The following HMBOX1 variants were observed in gnomAD, a reference collection of about 807,000 sequenced individuals.
HMBOX1 encodes the protein homeobox containing 1, also known as homeobox-containing protein 1.
HMBOX1 carries 14 observed loss-of-function variants against 54.5 expected under a neutral mutation model. That is an observed-to-expected ratio of 0.26 (90% confidence interval 0.17 to 0.40). HMBOX1 has a LOEUF of 0.40. Among genes scored for constraint, HMBOX1 ranks in the 10% least tolerant of loss-of-function variants. The pLI, the probability that HMBOX1 is intolerant of heterozygous loss-of-function variation, is 1.00. For synonymous variants in HMBOX1, 160 were observed against 181.0 expected (o/e 0.88, Z 0.93); for missense variants, 332 against 514.4 (o/e 0.65, Z 3.43).
chr8:29,044,528 TGAAAAA>T (rs1805300412), intron 6 of HMBOX1, among the ~76,000 whole-genome samples: 1 of 152,078 alleles, frequency 6.6e-6, no homozygotes, highest in Non-Finnish European at 1.5e-5. Context: ...TTTTAACAAA[TGAAAAA>T]GAAAATGTTT....
At chr8:29,029,705 A>G (rs956234577) in intron 6 of HMBOX1, among the ~76,000 whole-genome samples, 1 of 152,248 alleles carries the variant, frequency 6.6e-6, no homozygotes, top group South Asian at 2.1e-4. Context: ...TTGAGAACTT[A>G]CGGTTACGGG....
intron 1 of HMBOX1, among the ~76,000 whole-genome samples, chr8:28,958,915 G>C (rs1458941471): frequency 6.6e-6 from 1 of 151,898 alleles, no homozygotes; most frequent in African/African-American, 2.4e-5. Context: ...GGATTATGTT[G>C]ATTTCCTAAA....
At chr8:28,942,579 A>G (rs1031565526) in intron 1 of HMBOX1, among the ~76,000 whole-genome samples, 1 of 152,062 alleles carries the variant, frequency 6.6e-6, no homozygotes, top group Non-Finnish European at 1.5e-5. Flanking sequence ...ATCTATATAT[A>G]GTTATTTATA....
intron 1 of HMBOX1, among the ~76,000 whole-genome samples, chr8:28,957,401 T>G (rs1159585260): frequency 6.6e-6 from 1 of 152,142 alleles, no homozygotes; most frequent in Non-Finnish European, 1.5e-5. Context: ...CACTGGAGAC[T>G]CCAGGAGTGG....
At chr8:29,015,005 C>A (rs980657404) in intron 5 of HMBOX1, among the ~76,000 whole-genome samples, 2 of 152,086 alleles carry the variant, frequency 1.3e-5, no homozygotes, top group African/African-American at 4.8e-5. Context: ...ATAACCAGGC[C>A]ACTACTTACT....
intron 6 of HMBOX1, among the ~76,000 whole-genome samples, chr8:29,037,285 CT>C (rs951986382): frequency 9.2e-5 from 14 of 152,090 alleles, no homozygotes; most frequent in Non-Finnish European, 1.9e-4. Context: ...GCAAAACAAA[CT>C]TTTAAAATGC....
chr8:28,944,561 C>T (rs1411012507), intron 1 of HMBOX1, among the ~76,000 whole-genome samples: 1 of 152,182 alleles, frequency 6.6e-6, no homozygotes, highest in East Asian at 1.9e-4. Context: ...AGTCTCCAAA[C>T]GTTGGATTAC....
chr8:29,050,156 C>G (rs901227928), intron 9 of HMBOX1: 4 of 758,062 alleles, frequency 5.3e-6, no homozygotes, highest in Non-Finnish European at 6.4e-6. Flanking sequence ...TTTACAGATG[C>G]CCTAAGGGCA....
At chr8:28,923,572 A>G (rs747067338) in intron 1 of HMBOX1, among the ~76,000 whole-genome samples, 3 of 152,184 alleles carry the variant, frequency 2.0e-5, no homozygotes, top group South Asian at 2.1e-4. Context: ...TTTACATGGC[A>G]TTTACATTGT....
At chr8:29,014,097 A>G (rs1834617444) in intron 5 of HMBOX1, among the ~76,000 whole-genome samples, 1 of 152,126 alleles carries the variant, frequency 6.6e-6, no homozygotes, top group Admixed American at 6.5e-5. Flanking sequence ...CCCCTCACCC[A>G]GAGCTAACCC....
intron 4 of HMBOX1, among the ~76,000 whole-genome samples, chr8:28,995,326 A>G (rs2060041315): frequency 6.6e-6 from 1 of 152,226 alleles, no homozygotes; most frequent in Non-Finnish European, 1.5e-5. Flanking sequence ...AGATTCACCC[A>G]TGTTATAGCA....
At chr8:28,911,169 A>G (rs1192663612) in intron 1 of HMBOX1, among the ~76,000 whole-genome samples, 2 of 152,226 alleles carry the variant, frequency 1.3e-5, no homozygotes, top group African/African-American at 4.8e-5. Context: ...TTAACCTAGA[A>G]GTAAATTTAT....
chr8:28,960,765 C>CTTTCTTTTTTTTTTT (rs1825383152), intron 1 of HMBOX1, among the ~76,000 whole-genome samples: 1 of 16,260 alleles, frequency 6.2e-5, no homozygotes, highest in African/African-American at 1.7e-4. Context: ...TTTTCTTTTT[C>CTTTCTTTTTTTTTTT]TTTTTTTTTT....
rs1371360574 is a variant in HMBOX1, at chr8:29,052,470, AT to A, written c.*1322del. 5.9e-5 allele frequency: 9 copies of A among 152,084 alleles called. No individual in the cohort carries two copies. The highest frequency in any genetic ancestry group is 4.4e-5 in the Non-Finnish European group (3 of 68,004). The allele number at this position is 152,084 out of a possible 1,614,324, so 9.4% of individuals were successfully genotyped here. A position where few individuals can be genotyped will look rare whatever the true frequency, so the allele number is the denominator to read the frequency against. On this transcript the variant is annotated 3_prime_UTR_variant, in exon 10 of 10. Coordinates refer to ENST00000287701, the MANE Select transcript of HMBOX1 (RefSeq NM_001135726.3). ...ACTTTAAGCGGCAGTAACTAATGGA[AT>A]TTTTTTCCTTGATCACATATGTAGC...
intron 1 of HMBOX1, among the ~76,000 whole-genome samples, chr8:28,952,904 G>T (rs1823744726): frequency 6.6e-6 from 1 of 152,094 alleles, no homozygotes; most frequent in Non-Finnish European, 1.5e-5. Context: ...GTAAACATTT[G>T]CCCAGAGAAA....
chr8:29,008,842 C>T (rs190858194), intron 4 of HMBOX1, among the ~76,000 whole-genome samples: 4 of 152,220 alleles, frequency 2.6e-5, no homozygotes, highest in Admixed American at 1.3e-4. Flanking sequence ...AGGCCATTGT[C>T]GGGTCTTAAT....
chr8:28,982,967 A>C (rs1829633298), intron 4 of HMBOX1, among the ~76,000 whole-genome samples: 1 of 152,176 alleles, frequency 6.6e-6, no homozygotes, highest in African/African-American at 2.4e-5. Flanking sequence ...CATGTTGCTC[A>C]GGCTGGTCTT....
intron 1 of HMBOX1, among the ~76,000 whole-genome samples, chr8:28,900,270 A>AT (rs200407547): frequency 0.055 from 3,173 of 57,714 alleles, 38 homozygotes; most frequent in East Asian, 0.12. Flanking sequence ...AAAAAAAAAA[A>AT]AATATATATA....
intron 1 of HMBOX1, among the ~76,000 whole-genome samples, chr8:28,962,869 A>C (rs182567939): frequency 3.3e-5 from 5 of 151,662 alleles, no homozygotes; most frequent in Admixed American, 3.3e-4. Flanking sequence ...CCTAGTCTCT[A>C]TTCTCCCCAC....
Sources: allele counts gnomAD v4.1 joint callset (sites outside exome capture counted in the v4.1 genomes callset), GRCh38; gene constraint gnomAD v4.1.1; transcripts MANE v1.5; gene names NCBI Gene and HGNC (gene_info 2026-07-23, HGNC 2026-07-21).